The following ANK3 variants were observed in gnomAD, a reference collection of about 807,000 sequenced individuals.
The protein encoded by ANK3 is ankyrin-3.
Under a neutral mutation model 370.9 loss-of-function variants are expected in ANK3, and 57 were observed. The ratio of observed to expected loss-of-function variants is 0.15; its 90% CI spans 0.12 to 0.19. The LOEUF (loss-of-function observed/expected upper bound fraction) is 0.19. ANK3 is among the 10% of genes least tolerant of loss of function. The pLI is 1.00. For missense variants in ANK3, 4,439 were observed against 5,302.1 expected, an observed-to-expected ratio of 0.84 and a Z score of 5.06; for synonymous variants, 1,929 against 1,946.3, an observed-to-expected ratio of 0.99 and a Z score of 0.23.
At chr10:60,226,751 T>C (rs2097170690) in intron 8 of ANK3, among the ~76,000 whole-genome samples, 1 of 144,410 alleles carries the variant, frequency 6.9e-6, no homozygotes, top group South Asian at 2.1e-4. Flanking sequence ...TATTATAAAG[T>C]AATATTAATA....
chr10:60,098,545 C>G (rs2090585814), intron 28 of ANK3, among the ~76,000 whole-genome samples: 1 of 152,060 alleles, frequency 6.6e-6, no homozygotes, highest in Non-Finnish European at 1.5e-5. Context: ...AGTTCAGCTC[C>G]ATCAAAATAC....
intron 2 of ANK3, among the ~76,000 whole-genome samples, chr10:60,448,244 C>T (rs1405435020): frequency 1.3e-5 from 2 of 152,188 alleles, no homozygotes; most frequent in Non-Finnish European, 2.9e-5. Context: ...TTCTGGGAAT[C>T]GGCAATCAGA....
intron 1 of ANK3, among the ~76,000 whole-genome samples, chr10:60,347,258 T>C (rs767032422): frequency 9.2e-5 from 14 of 151,910 alleles, no homozygotes; most frequent in Non-Finnish European, 1.8e-4. Context: ...CAAACCCCCC[T>C]AGTCTAGAAG....
rs1002915503 is a variant in ANK3 at position 60,304,705 on chromosome 10, T to C, written c.115-25066A>G. 2.6e-5 allele frequency among the ~76,000 whole-genome samples: 4 copies of C among 152,284 alleles called. No individual in the cohort carries two copies. The South Asian group carries it at 6.2e-4, about 24-fold the overall frequency. On this transcript the variant is annotated intron_variant, in intron 1 of 43. Transcript: ENST00000280772. ...ATACAATTTTTGTTAATTTTTACCT[T>C]TATAAAGATGGAAAAAATATTGAAA...
At chr10:60,570,775 T>A (rs1326986940) in intron 2 of ANK3, among the ~76,000 whole-genome samples, 1 of 152,040 alleles carries the variant, frequency 6.6e-6, no homozygotes, top group South Asian at 2.1e-4. Context: ...ATTGACTTTA[T>A]ATTGTGCTCT....
At chr10:60,162,824 C>G (rs2095531332) in intron 23 of ANK3, among the ~76,000 whole-genome samples, 1 of 152,148 alleles carries the variant, frequency 6.6e-6, no homozygotes, top group Non-Finnish European at 1.5e-5. Flanking sequence ...AGAGCTGCCT[C>G]TTAGATTTTT....
intron 25 of ANK3, among the ~76,000 whole-genome samples, chr10:60,116,801 A>G (rs2093125585): frequency 6.6e-6 from 1 of 152,172 alleles, no homozygotes; most frequent in Non-Finnish European, 1.5e-5. Context: ...GAACAAAGGA[A>G]AATAAATCAA....
intron 1 of ANK3, among the ~76,000 whole-genome samples, chr10:60,623,806 G>A (rs1417221061): frequency 1.3e-5 from 2 of 152,222 alleles, no homozygotes; most frequent in African/African-American, 2.4e-5. Context: ...TGCAGGAAAA[G>A]AGTGCCTTTG....
chr10:60,369,652 T>C (rs952601922), intron 1 of ANK3, among the ~76,000 whole-genome samples: 7 of 152,196 alleles, frequency 4.6e-5, no homozygotes, highest in African/African-American at 1.4e-4. Context: ...CTCACAATCA[T>C]TCCATCCAGG....
intron 1 of ANK3, among the ~76,000 whole-genome samples, chr10:60,308,601 T>A (rs144709266): frequency 6.6e-6 from 1 of 152,028 alleles, no homozygotes; most frequent in African/African-American, 2.4e-5. Flanking sequence ...ATGTCTGTTG[T>A]TGGGACCATG....
chr10:60,393,434 C>A (rs929929458), upstream of ANK3, among the ~76,000 whole-genome samples: 33 of 152,214 alleles, frequency 2.2e-4, no homozygotes, highest in African/African-American at 7.5e-4. Context: ...GTGCTTCCCG[C>A]CTGGGCATTA....
rs765743185 is a variant in ANK3, at chr10:60,270,105, C to T, written c.513+26G>A. The T allele has an allele frequency of 7.5e-6, 11 of 1,471,816 alleles. No homozygotes were observed. In the African/African-American group the frequency reaches 8.6e-5, roughly 11 times the overall value. The allele number at this position is 1,471,816 out of a possible 1,614,324, so 91.2% of individuals were successfully genotyped here. A position where few individuals can be genotyped will look rare whatever the true frequency, so the allele number is the denominator to read the frequency against. ...AATGCCCTATAAATACGTGAACTCA[C>T]CCACAGGAAAAAAACAGTATCTTAC... On this transcript the variant is annotated intron_variant, in intron 5 of 43. Transcript: ENST00000280772.
At chr10:60,593,885 A>G (rs1317498419) in intron 2 of ANK3, among the ~76,000 whole-genome samples, 1 of 152,196 alleles carries the variant, frequency 6.6e-6, no homozygotes, top group Non-Finnish European at 1.5e-5. Context: ...CTTTGACTTA[A>G]AAGTGGTTAC....
chr10:60,190,052 A>C (rs1053121901), intron 16 of ANK3, among the ~76,000 whole-genome samples: 1 of 152,232 alleles, frequency 6.6e-6, no homozygotes, highest in Middle Eastern at 3.2e-3. Context: ...CTGCCACAGG[A>C]AATAGATTGG....
At chr10:60,278,998 C>G in intron 3 of ANK3, 52 bp downstream of exon 3, 1 of 1,586,740 alleles carries the variant, frequency 6.3e-7, no homozygotes, top group Non-Finnish European at 8.7e-7. Context: ...AGGGCTGAAT[C>G]CTCACAGAAC....
At chr10:60,466,584 T>A (rs539196545) in intron 2 of ANK3, among the ~76,000 whole-genome samples, 27 of 152,218 alleles carry the variant, frequency 1.8e-4, no homozygotes, top group Non-Finnish European at 3.5e-4. Context: ...CCTCCAAAAC[T>A]GAAAACACTG....
intron 2 of ANK3, among the ~76,000 whole-genome samples, chr10:60,537,150 A>G (rs1430333623): frequency 6.6e-6 from 1 of 152,062 alleles, no homozygotes; most frequent in African/African-American, 2.4e-5. Context: ...TAAATTCCAC[A>G]TTCAATTAAA....
chr10:60,226,215 ATAC>A (rs1314180736), intron 8 of ANK3, among the ~76,000 whole-genome samples: 1 of 124,486 alleles, frequency 8.0e-6, no homozygotes, highest in African/African-American at 3.1e-5. Flanking sequence ...AGTATATGTA[ATAC>A]TATATATACT....
intron 2 of ANK3, among the ~76,000 whole-genome samples, chr10:60,453,141 A>G (rs2064655465): frequency 6.6e-6 from 1 of 152,254 alleles, no homozygotes; most frequent in Non-Finnish European, 1.5e-5. Context: ...TCTCAGTTCC[A>G]GGATTTACTA....
Sources: allele counts gnomAD v4.1 joint callset (sites outside exome capture counted in the v4.1 genomes callset), GRCh38; gene constraint gnomAD v4.1.1; transcripts MANE v1.5; gene names NCBI Gene and HGNC (gene_info 2026-07-23, HGNC 2026-07-21).